Variants in GIGYF2 observed in about 807,000 individuals in gnomAD.
GIGYF2 encodes the protein GRB10 interacting GYF protein 2, also known as GRB10-interacting GYF protein 2.
In GIGYF2, 25 loss-of-function variants were observed where a neutral mutation model predicts 208.1. The observed-to-expected ratio is 0.12, with a 90% CI of 0.09 to 0.17. GIGYF2 has a LOEUF of 0.17. GIGYF2 is among the 10% of genes least tolerant of loss of function. The probability of loss-of-function intolerance (pLI) is 1.00; values close to 1 mark genes in which losing one functional copy is unlikely to be tolerated. For synonymous variants in GIGYF2, 534 were observed against 543.8 expected (o/e 0.98, Z 0.25); for missense variants, 1,302 against 1,579.4 (o/e 0.82, Z 2.98).
intron 16 of GIGYF2, chr2:232,810,281 CT>C (rs1700696526): frequency 6.2e-6 from 1 of 161,008 alleles, no homozygotes; most frequent in Admixed American, 5.9e-5. Flanking sequence ...ACCACCACTC[CT>C]GGCTTATCTT....
At chr2:232,759,157 GTTAA>G (rs1455622622) in intron 6 of GIGYF2, among the ~76,000 whole-genome samples, 1 of 152,178 alleles carries the variant, frequency 6.6e-6, no homozygotes, top group Non-Finnish European at 1.5e-5. Flanking sequence ...TGTATTCTGA[GTTAA>G]TTCTTGATAA....
intron 5 of GIGYF2, among the ~76,000 whole-genome samples, chr2:232,750,683 T>C (rs1286525043): frequency 6.6e-6 from 1 of 152,136 alleles, no homozygotes; most frequent in Non-Finnish European, 1.5e-5. Context: ...AATTTTTCTT[T>C]TGGGATATTC....
rs113410356 is a variant in GIGYF2 at position 232,804,951 on chromosome 2, A to G, written c.1640-1540A>G. On this transcript the variant is annotated intron_variant, in intron 14 of 28. Coordinates refer to ENST00000373563, the MANE Select transcript of GIGYF2 (RefSeq NM_001103146.3). Reference sequence around the variant, plus strand: ...ATTTCTAGCTTGATTCTTGGTGGTCAAAGAAACATACTATATGTGATTTTT... The same window carrying G: ...ATTTCTAGCTTGATTCTTGGTGGTCGAAGAAACATACTATATGTGATTTTT... Among the ~76,000 whole-genome samples the G allele has an allele frequency of 5.7e-3, 870 of 152,120 alleles. 3 individuals are homozygous for G. The highest frequency in any genetic ancestry group is 0.02 in the African/African-American group (830 of 41,476).
At chr2:232,755,060 G>T (rs1004161024) in intron 5 of GIGYF2, among the ~76,000 whole-genome samples, 1 of 152,120 alleles carries the variant, frequency 6.6e-6, no homozygotes, top group Non-Finnish European at 1.5e-5. Context: ...TTCAAAAGAA[G>T]GTGGTATAGA....
At chr2:232,833,412 G>A (rs962056332) in intron 22 of GIGYF2, among the ~76,000 whole-genome samples, 1 of 152,102 alleles carries the variant, frequency 6.6e-6, no homozygotes, top group African/African-American at 2.4e-5. Flanking sequence ...AGTAGAGATG[G>A]TGTTTCACCA....
At chr2:232,797,346 G>A (rs1302837340) in intron 14 of GIGYF2, among the ~76,000 whole-genome samples, 1 of 152,082 alleles carries the variant, frequency 6.6e-6, no homozygotes, top group Non-Finnish European at 1.5e-5. Flanking sequence ...TGCCCACCCT[G>A]TGAGCTCTCT....
intron 8 of GIGYF2, among the ~76,000 whole-genome samples, chr2:232,781,323 A>ACACACACAC (rs1553613033): frequency 1.1e-5 from 1 of 88,274 alleles, no homozygotes; most frequent in African/African-American, 5.3e-5. Flanking sequence ...CACACACACA[A>ACACACACAC]CTTATAAAGA....
chr2:232,710,092 T>A (rs1247608724), intron 2 of GIGYF2, among the ~76,000 whole-genome samples: 1 of 151,960 alleles, frequency 6.6e-6, no homozygotes, highest in Non-Finnish European at 1.5e-5. Context: ...CCAGAGTAGC[T>A]GGGACTACAG....
intron 2 of GIGYF2, among the ~76,000 whole-genome samples, chr2:232,710,822 C>T (rs1447335002): frequency 6.6e-6 from 1 of 151,678 alleles, no homozygotes; most frequent in African/African-American, 2.4e-5. Flanking sequence ...GCCTCAGCCT[C>T]CCAGGTAGGT....
At chr2:232,845,990 A>G (rs1701990264) in intron 26 of GIGYF2, 104 bp downstream of exon 26, 6 of 784,320 alleles carry the variant, frequency 7.6e-6, no homozygotes, top group Non-Finnish European at 8.9e-6. Context: ...GATGAAATCT[A>G]AGGAGGTCAA....
chr2:232,829,945 GTGT>G (rs1251327737), intron 21 of GIGYF2, among the ~76,000 whole-genome samples: 1 of 151,566 alleles, frequency 6.6e-6, no homozygotes, highest in Non-Finnish European at 1.5e-5. Context: ...TTTCTCTCTG[GTGT>G]TCATTCATTC....
chr2:232,739,886 G>C (rs912663503), intron 3 of GIGYF2, among the ~76,000 whole-genome samples: 1 of 147,216 alleles, frequency 6.8e-6, no homozygotes, highest in Non-Finnish European at 1.5e-5. Flanking sequence ...GATCACTTGA[G>C]GTCAAGAGTT....
intron 23 of GIGYF2, 24 bp downstream of exon 23, chr2:232,839,995 T>C (rs1448362905): frequency 6.2e-7 from 1 of 1,610,690 alleles, no homozygotes; most frequent in Admixed American, 1.7e-5. Context: ...GTAAAAGGGA[T>C]CTAGTCAAGC....
At chr2:232,831,329 A>T (rs1701420107) in intron 21 of GIGYF2, among the ~76,000 whole-genome samples, 1 of 152,202 alleles carries the variant, frequency 6.6e-6, no homozygotes, top group African/African-American at 2.4e-5. Flanking sequence ...TCAGAAACCT[A>T]AATTCTGTTA....
intron 28 of GIGYF2, among the ~76,000 whole-genome samples, chr2:232,855,076 CTTTCTTTT>C (rs1690502553): frequency 8.9e-6 from 1 of 112,486 alleles, no homozygotes; most frequent in Non-Finnish European, 1.8e-5. Flanking sequence ...TTTTCTTTTT[CTTTCTTTT>C]TTTTTTTTTT....
At chr2:232,711,600 C>T (rs1028511309) in intron 2 of GIGYF2, among the ~76,000 whole-genome samples, 2 of 150,430 alleles carry the variant, frequency 1.3e-5, no homozygotes, top group Non-Finnish European at 3.0e-5. Flanking sequence ...TCTTTTATGT[C>T]TTGCTTTATA....
rs551633562 is a variant in GIGYF2, at chr2:232,811,571, A to G, written c.2006+220A>G. On this transcript the variant is annotated intron_variant, in intron 17 of 28. Coordinates refer to ENST00000373563, the MANE Select transcript of GIGYF2 (RefSeq NM_001103146.3). ...CATAGATATAAATTTTGATTAATCA[A>G]AAGACCAAAGAATAATGGGAACTCT... Among the ~76,000 whole-genome samples, 8 of 152,344 alleles carry G rather than the reference A, an allele frequency of 5.3e-5. No individual in the cohort carries two copies. In the East Asian group the frequency reaches 1.3e-3, roughly 26 times the overall value.
chr2:232,811,626 C>T (rs1179081275), intron 17 of GIGYF2, among the ~76,000 whole-genome samples: 1 of 152,102 alleles, frequency 6.6e-6, no homozygotes, highest in East Asian at 1.9e-4. Context: ...GTGGAACCTG[C>T]GACAGAAAAA....
At chr2:232,708,039 G>A (rs1913916) in intron 2 of GIGYF2, among the ~76,000 whole-genome samples, 2,328 of 152,222 alleles carry the variant, frequency 0.015, 69 homozygotes, top group African/African-American at 0.053. Flanking sequence ...ACAGCTCACT[G>A]CAGCCTCGAC....
Sources: gnomAD v4.1 joint callset for allele counts (sites outside exome capture counted in the v4.1 genomes callset) on GRCh38, gnomAD v4.1.1 for gene constraint, MANE v1.5 for transcripts, NCBI Gene and HGNC (gene_info 2026-07-23, HGNC 2026-07-21) for gene names.